Variants in ASIC2 observed in about 807,000 individuals in gnomAD.
ASIC2 encodes acid-sensing ion channel 2.
A neutral mutation model predicts 57.3 loss-of-function variants in ASIC2; 25 were observed. That is an observed-to-expected ratio of 0.44 (90% CI 0.32 to 0.61). The LOEUF (loss-of-function observed/expected upper bound fraction) is 0.61. Ranked by LOEUF, ASIC2 falls within the 20% of genes least tolerant of loss-of-function variation. ASIC2 has a pLI of 0.06. For synonymous variants in ASIC2, 319 were observed against 307.5 expected (o/e 1.04, Z -0.39); for missense variants, 641 against 738.1 (o/e 0.87, Z 1.52).
chr17:33,605,490 G>A (rs1489211823), intron 1 of ASIC2, among the ~76,000 whole-genome samples: 1 of 152,174 alleles, frequency 6.6e-6, no homozygotes, highest in Non-Finnish European at 1.5e-5. Flanking sequence ...CAGATAGGAA[G>A]CAAAACAAGC....
In ASIC2 at chr17:34,083,536, C is replaced by G. The variant is rs556996396; in HGVS notation, c.555+72442G>C. ...GATTTATAGTCCTTTGGGTATATAC[C>G]CAGTAATGGGATGGCTGGGTCAAAT... is the stretch of plus-strand genomic sequence containing the variant. On this transcript the variant is annotated intron_variant, in intron 1 of 9. Coordinates refer to the ASIC2 transcript ENST00000359872. Among the ~76,000 whole-genome samples the G allele has an allele frequency of 3.3e-5, 5 of 151,744 alleles. No individual in the cohort carries two copies. The East Asian group carries it at 9.7e-4, about 29-fold the overall frequency.
chr17:33,051,963 T>G (rs2091978551), intron 3 of ASIC2: 1 of 152,194 alleles, frequency 6.6e-6, no homozygotes, highest in South Asian at 2.1e-4. Context: ...CTGCCATGCC[T>G]GTTTACGAAT....
chr17:33,660,790 C>T (rs1463586598), intron 1 of ASIC2, among the ~76,000 whole-genome samples: 5 of 152,188 alleles, frequency 3.3e-5, no homozygotes, highest in African/African-American at 9.7e-5. Flanking sequence ...GTCGTTAATG[C>T]GGTCCATCAT....
chr17:33,662,109 T>A (rs1239517434), intron 1 of ASIC2, among the ~76,000 whole-genome samples: 2 of 152,216 alleles, frequency 1.3e-5, no homozygotes, highest in East Asian at 3.9e-4. Context: ...ACCAGAAAAT[T>A]TGGCAAGGTG....
chr17:33,291,293 G>A, intron 1 of ASIC2, 115 bp downstream of exon 1: 2 of 1,437,854 alleles, frequency 1.4e-6, no homozygotes, highest in Non-Finnish European at 1.8e-6. Context: ...TGGCATCGTG[G>A]AGTGGTAACA....
intron 3 of ASIC2, among the ~76,000 whole-genome samples, chr17:33,085,137 C>T (rs2092129770): frequency 6.6e-6 from 1 of 152,200 alleles, no homozygotes; most frequent in Non-Finnish European, 1.5e-5. Context: ...TTCACACCAA[C>T]TTTCCAGGAA....
chr17:33,631,072 T>C (rs1255999519), intron 1 of ASIC2, among the ~76,000 whole-genome samples: 1 of 152,158 alleles, frequency 6.6e-6, no homozygotes, highest in African/African-American at 2.4e-5. Context: ...AAGGAGCAAG[T>C]GGAAGGTTGT....
chr17:33,512,850 T>A (rs992013005), intron 1 of ASIC2, among the ~76,000 whole-genome samples: 24 of 151,962 alleles, frequency 1.6e-4, no homozygotes, highest in African/African-American at 5.6e-4. Flanking sequence ...TTCTGAGGAG[T>A]TTTGGCCATG....
chr17:33,275,423 T>G (rs570939772), intron 1 of ASIC2, among the ~76,000 whole-genome samples: 8 of 152,216 alleles, frequency 5.3e-5, no homozygotes, highest in Non-Finnish European at 1.2e-4. Context: ...CCTTCTAGAC[T>G]TCAGTGGAAA....
chr17:33,809,773 G>A (rs756123563), intron 1 of ASIC2, among the ~76,000 whole-genome samples: 5 of 152,214 alleles, frequency 3.3e-5, no homozygotes, highest in Non-Finnish European at 7.3e-5. Flanking sequence ...TTTATTTAGT[G>A]CATGAATGCT....
intron 1 of ASIC2, among the ~76,000 whole-genome samples, chr17:33,272,328 T>A (rs371379920): frequency 8.5e-5 from 13 of 152,240 alleles, no homozygotes; most frequent in African/African-American, 3.1e-4. Context: ...ATAAGCCTCA[T>A]GAAGGCAAGG....
chr17:33,280,124 C>T (rs978570008), intron 1 of ASIC2, among the ~76,000 whole-genome samples: 1 of 152,110 alleles, frequency 6.6e-6, no homozygotes, highest in African/African-American at 2.4e-5. Context: ...CGTCTTTCCC[C>T]AGCATCATAG....
At chr17:33,903,919 T>C (rs181243276) in intron 1 of ASIC2, among the ~76,000 whole-genome samples, 11 of 152,150 alleles carry the variant, frequency 7.2e-5, no homozygotes, top group Non-Finnish European at 1.3e-4. Flanking sequence ...ATCCGAGCAC[T>C]TTGGGAGGCC....
At chr17:33,202,626 C>T (rs1906915193) in intron 1 of ASIC2, among the ~76,000 whole-genome samples, 1 of 152,130 alleles carries the variant, frequency 6.6e-6, no homozygotes, top group Admixed American at 6.5e-5. Context: ...ACCCAGAAGC[C>T]CATTCTTCCA....
chr17:33,308,082 C>T (rs1341217801), intron 1 of ASIC2, among the ~76,000 whole-genome samples: 1 of 152,172 alleles, frequency 6.6e-6, no homozygotes, highest in Non-Finnish European at 1.5e-5. Context: ...CTAAATACCT[C>T]AAACAGTGCC....
chr17:33,978,990 G>A (rs1232855258), intron 1 of ASIC2, among the ~76,000 whole-genome samples: 1 of 152,172 alleles, frequency 6.6e-6, no homozygotes, highest in African/African-American at 2.4e-5. Context: ...TCTCCTCGGT[G>A]ACAGATCCAA....
chr17:33,908,632 G>A (rs1363245516), intron 1 of ASIC2, among the ~76,000 whole-genome samples: 11 of 152,166 alleles, frequency 7.2e-5, no homozygotes, highest in African/African-American at 2.7e-4. Context: ...CTGGCTTAAT[G>A]AAGTCAGCTT....
chr17:33,105,983 G>T (rs1485514551), intron 2 of ASIC2, among the ~76,000 whole-genome samples: 1 of 152,162 alleles, frequency 6.6e-6, no homozygotes, highest in African/African-American at 2.4e-5. Context: ...TGAAGAGTAG[G>T]GGTGAGGGTG....
At chr17:33,483,217 C>T (rs1284898382) in intron 1 of ASIC2, among the ~76,000 whole-genome samples, 1 of 152,222 alleles carries the variant, frequency 6.6e-6, no homozygotes, top group East Asian at 1.9e-4. Flanking sequence ...CCGGCCCTGG[C>T]ATGTTGTGAA....
Sources: gnomAD v4.1 joint callset for allele counts (sites outside exome capture counted in the v4.1 genomes callset) on GRCh38, gnomAD v4.1.1 for gene constraint, MANE v1.5 for transcripts, NCBI Gene and HGNC (gene_info 2026-07-23, HGNC 2026-07-21) for gene names.